CCSER1: variants seen among roughly 807,000 people sequenced by gnomAD.
CCSER1 encodes serine-rich coiled-coil domain-containing protein 1.
A neutral mutation model predicts 82.0 loss-of-function variants in CCSER1; 41 were observed. The ratio of observed to expected loss-of-function variants is 0.50; its 90% CI spans 0.39 to 0.65. CCSER1 has a LOEUF of 0.65. CCSER1 is among the 30% of genes least tolerant of loss of function. The probability of loss-of-function intolerance (pLI) is 0.00; values close to 1 mark genes in which losing one functional copy is unlikely to be tolerated. For synonymous variants in CCSER1, 414 were observed against 383.9 expected, an observed-to-expected ratio of 1.08 and a Z score of -0.92; for missense variants, 1,119 against 1,064.2, an observed-to-expected ratio of 1.05 and a Z score of -0.72.
chr4:90,633,844 C>T (rs1189059128), intron 6 of CCSER1, among the ~76,000 whole-genome samples: 1 of 151,814 alleles, frequency 6.6e-6, no homozygotes, highest in Non-Finnish European at 1.5e-5. Flanking sequence ...ATTCTGTCAT[C>T]CTTTTTTAAA....
intron 5 of CCSER1, among the ~76,000 whole-genome samples, chr4:90,605,501 CTA>C (rs1184032448): frequency 2.0e-5 from 3 of 152,092 alleles, no homozygotes; most frequent in African/African-American, 7.2e-5. Context: ...AAAATATAGA[CTA>C]GAATATTATA....
chr4:90,245,026 A>C (rs1196176028), intron 1 of CCSER1, among the ~76,000 whole-genome samples: 2 of 152,114 alleles, frequency 1.3e-5, no homozygotes, highest in Non-Finnish European at 2.9e-5. Flanking sequence ...CTATCTCTTC[A>C]TGTAAGGTTT....
chr4:91,597,711 CTGTT>C (rs1308612289), intron 10 of CCSER1, among the ~76,000 whole-genome samples: 2 of 152,108 alleles, frequency 1.3e-5, no homozygotes, highest in East Asian at 1.9e-4. Flanking sequence ...TCTCCCTTGT[CTGTT>C]TCTCTTCATT....
chr4:90,166,863 C>A (rs1730546079), intron 1 of CCSER1, among the ~76,000 whole-genome samples: 1 of 151,656 alleles, frequency 6.6e-6, no homozygotes, highest in African/African-American at 2.4e-5. Flanking sequence ...ATTAATTTAC[C>A]AGTATTTAAA....
chr4:90,425,384 C>A (rs923333645), intron 4 of CCSER1, among the ~76,000 whole-genome samples: 1 of 152,062 alleles, frequency 6.6e-6, no homozygotes, highest in South Asian at 2.1e-4. Context: ...CTGGACTTTA[C>A]TCAGTTTCTT....
intron 3 of CCSER1, among the ~76,000 whole-genome samples, chr4:90,320,862 G>A (rs1302794770): frequency 2.0e-5 from 3 of 152,074 alleles, no homozygotes; most frequent in African/African-American, 7.2e-5. Flanking sequence ...ATGATTTAAA[G>A]ATCGGTTTGA....
intron 10 of CCSER1, among the ~76,000 whole-genome samples, chr4:91,153,978 G>GTC (rs1276812525): frequency 1.3e-5 from 2 of 151,960 alleles, no homozygotes; most frequent in Non-Finnish European, 2.9e-5. Context: ...TGAGGAGGCA[G>GTC]TCTGTCCATC....
At chr4:91,433,215 C>G (rs1754434324) in intron 10 of CCSER1, among the ~76,000 whole-genome samples, 1 of 152,130 alleles carries the variant, frequency 6.6e-6, no homozygotes, top group Non-Finnish European at 1.5e-5. Context: ...TGCCATGTAA[C>G]AACATTTCAG....
intron 10 of CCSER1, among the ~76,000 whole-genome samples, chr4:91,150,259 C>T (rs1730025367): frequency 6.6e-6 from 1 of 152,188 alleles, no homozygotes; most frequent in African/African-American, 2.4e-5. Context: ...TGAGAGTTCA[C>T]TTATGATTTG....
At chr4:90,401,419 A>G (rs552310771) in intron 4 of CCSER1, among the ~76,000 whole-genome samples, 160 of 152,344 alleles carry the variant, frequency 1.1e-3, no homozygotes, top group African/African-American at 3.2e-3. Flanking sequence ...AGCACCTGAA[A>G]TGCTCATCAA....
At chr4:91,029,156 A>G (rs1652748574) in intron 9 of CCSER1, among the ~76,000 whole-genome samples, 1 of 152,024 alleles carries the variant, frequency 6.6e-6, no homozygotes, top group Non-Finnish European at 1.5e-5. Flanking sequence ...TGCTAGTCAT[A>G]GTTATCTGAG....
At chr4:91,035,328 A>G (rs1253838460) in intron 9 of CCSER1, among the ~76,000 whole-genome samples, 1 of 152,182 alleles carries the variant, frequency 6.6e-6, no homozygotes, top group Non-Finnish European at 1.5e-5. Context: ...AGAAACACAA[A>G]TATTTCTGGA....
intron 10 of CCSER1, among the ~76,000 whole-genome samples, chr4:91,149,284 G>T (rs574972448): frequency 2.3e-4 from 35 of 152,230 alleles, no homozygotes; most frequent in African/African-American, 7.2e-4. Flanking sequence ...TGTCTTCTTT[G>T]GAGAAGTGTC....
At chr4:90,853,021 G>T (rs2149941713) in intron 8 of CCSER1, among the ~76,000 whole-genome samples, 1 of 152,120 alleles carries the variant, frequency 6.6e-6, no homozygotes, top group East Asian at 1.9e-4. Context: ...CTTTGAGGAG[G>T]AGCGAGAGAT....
At position 90,424,922 on chromosome 4, in the gene CCSER1, A is replaced by C. The variant is rs191678965; in HGVS notation, c.1603+24793A>C. ...AGTGCTGACTTCAAAATTTGAAACC[A>C]GGTGTCACTAGTTTTAACGGATTCT... is the stretch of plus-strand genomic sequence containing the variant. On this transcript the variant is annotated intron_variant, in intron 4 of 10. Transcript: ENST00000509176. Among the ~76,000 whole-genome samples, 101 of 152,364 alleles carry C rather than the reference A, an allele frequency of 6.6e-4. 1 individual carries two copies. The highest frequency in any genetic ancestry group is 5.9e-3 in the Admixed American group (90 of 15,302).
At chr4:90,300,320 C>T (rs1276468634) in intron 1 of CCSER1, among the ~76,000 whole-genome samples, 1 of 152,106 alleles carries the variant, frequency 6.6e-6, no homozygotes, top group Non-Finnish European at 1.5e-5. Context: ...AAGAGCTACA[C>T]CACCATGTAC....
intron 10 of CCSER1, among the ~76,000 whole-genome samples, chr4:91,113,009 C>A (rs1726215812): frequency 6.6e-6 from 1 of 152,204 alleles, no homozygotes; most frequent in Non-Finnish European, 1.5e-5. Flanking sequence ...CAAATGGCAT[C>A]TCATTCAGCA....
At chr4:90,335,966 A>G (rs535690762) in intron 3 of CCSER1, among the ~76,000 whole-genome samples, 3 of 152,332 alleles carry the variant, frequency 2.0e-5, no homozygotes, top group South Asian at 2.1e-4. Flanking sequence ...AAATATGTAT[A>G]TTCTTTCAAT....
rs188215312 is a variant in CCSER1 at position 91,478,883 on chromosome 4, G to A, written c.2218-119689G>A. Among the ~76,000 whole-genome samples, 564 of 148,984 alleles carry A rather than the reference G, an allele frequency of 3.8e-3. 4 individuals are homozygous for A. The highest frequency in any genetic ancestry group is 0.014 in the Middle Eastern group (4 of 278). On this transcript the variant is annotated intron_variant, in intron 10 of 10. Coordinates refer to ENST00000509176, the MANE Select transcript of CCSER1 (RefSeq NM_001145065.2). ...TAAATCTTCTATATTTAGCATTGCA[G>A]ATTTTTAATTTACTCTGTAAAATAA...
Sources: allele counts gnomAD v4.1 joint callset (sites outside exome capture counted in the v4.1 genomes callset), GRCh38; gene constraint gnomAD v4.1.1; transcripts MANE v1.5; gene names NCBI Gene and HGNC (gene_info 2026-07-23, HGNC 2026-07-21).